The following CXCL8 variants were observed in gnomAD, a reference collection of about 807,000 sequenced individuals.
CXCL8 encodes the protein C-X-C motif chemokine ligand 8.
A neutral mutation model predicts 10.9 loss-of-function variants in CXCL8; 12 were observed. The ratio of observed to expected loss-of-function variants is 1.10; its 90% confidence interval spans 0.71 to 1.79. The LOEUF (loss-of-function observed/expected upper bound fraction) is 1.79, where lower values mean the gene tolerates loss of function less well. Among genes scored for constraint, CXCL8 ranks in the 40% most tolerant of loss-of-function variants. The probability of loss-of-function intolerance (pLI) is 0.00; values close to 1 mark genes in which losing one functional copy is unlikely to be tolerated. For synonymous variants in CXCL8, 41 were observed against 39.6 expected, an observed-to-expected ratio of 1.03 and a Z score of -0.13; for missense variants, 145 against 113.4, an observed-to-expected ratio of 1.28 and a Z score of -1.26.
In CXCL8 at chr4:73,743,364, T is replaced by A. The variant is rs199842999; in HGVS notation, c.*900T>A. On this transcript the variant is annotated 3_prime_UTR_variant, in exon 4 of 4. Transcript: ENST00000307407. ...ATTTTTTAGTATAAGTACATTATTG[T>A]TTATCTGAAATTTTAATTGAACTAA... 4 of 209,424 alleles carry A rather than the reference T, an allele frequency of 1.9e-5. No homozygotes were observed. The highest frequency in any genetic ancestry group is 9.1e-5 in the African/African-American group (4 of 44,194). The allele number at this position is 209,424 out of a possible 1,614,324, so 13.0% of individuals were successfully genotyped here.
At chr4:73,742,308 T>C (rs1729197399) in intron 3 of CXCL8, 141 bp from the exon 4 acceptor site, 1 of 583,726 alleles carries the variant, frequency 1.7e-6, no homozygotes, top group Non-Finnish European at 3.0e-6. Flanking sequence ...TAGATGATAA[T>C]TTCTTTGATC....
intron 1 of CXCL8, 47 bp downstream of exon 1, chr4:73,740,769 G>C (rs768548679): frequency 6.2e-6 from 9 of 1,453,638 alleles, no homozygotes; most frequent in Non-Finnish European, 7.7e-6. Flanking sequence ...GTCTAAATGT[G>C]ATCCTTAGAT....
chr4:73,741,860 T>C (rs1729182953), intron 2 of CXCL8, 89 bp from the exon 3 acceptor site: 2 of 1,128,086 alleles, frequency 1.8e-6, no homozygotes, highest in South Asian at 2.6e-5. Flanking sequence ...AAATGTTATT[T>C]TGGACTTAGA....
At chr4:73,741,060 C>T (rs1330643080) in intron 1 of CXCL8, among the ~76,000 whole-genome samples, 1 of 152,128 alleles carries the variant, frequency 6.6e-6, no homozygotes, top group East Asian at 1.9e-4. Context: ...GTAACTCAGA[C>T]AATTCCACTC....
At position 73,743,034 on chromosome 4, in the gene CXCL8, T is replaced by A. The variant is rs1171036080; in HGVS notation, c.*570T>A. 8.7e-6 allele frequency: 2 copies of A among 230,048 alleles called. No homozygotes were observed. Among genetic ancestry groups the A allele is most frequent in the East Asian group, 1.2e-4 (2 of 16,160 alleles). 14.3% of individuals were successfully genotyped at this position (230,048 alleles called of 1,614,324 possible). The stretch of plus-strand genomic sequence containing the variant: ...TATTAGCCACCATCTTACCTCACAG[T>A]GATGTTGTGAGGACATGTGGAAGCA... On this transcript the variant is annotated 3_prime_UTR_variant, in exon 4 of 4. Coordinates refer to ENST00000307407, the MANE Select transcript of CXCL8 (RefSeq NM_000584.4).
In CXCL8 at chr4:73,740,573, A is replaced by G. The variant is rs1729141929; in HGVS notation, c.-86A>G. Reference sequence around the variant, plus strand: ...CACCGGAGCACTCCATAAGGCACAAACTTTCAGAGACAGCAGAGCACACAA... The same window carrying G: ...CACCGGAGCACTCCATAAGGCACAAGCTTTCAGAGACAGCAGAGCACACAA... On this transcript the variant is annotated 5_prime_UTR_variant, in exon 1 of 4. Transcript: ENST00000307407. The G allele has an allele frequency of 1.6e-6, 2 of 1,250,306 alleles. No homozygotes were observed. The highest frequency in any genetic ancestry group is 2.3e-6 in the Non-Finnish European group (2 of 870,106). 77.5% of individuals were successfully genotyped at this position (1,250,306 alleles called of 1,614,324 possible). A position where few individuals can be genotyped will look rare whatever the true frequency, so the allele number is the denominator to read the frequency against.
rs1397418380 is a variant in CXCL8 at position 73,743,617 on chromosome 4, TG to T, written c.*1154del. On this transcript the variant is annotated 3_prime_UTR_variant, in exon 4 of 4. Coordinates refer to ENST00000307407, the MANE Select transcript of CXCL8 (RefSeq NM_000584.4). ...AGGCTTTATATTTTTAACTTTAAGA[TG>T]TTTTTATGTGCTCTCCAAATTTTTT... 4.9e-6 allele frequency: 1 copy of T among 202,454 alleles called. No individual in the cohort carries two copies. The highest frequency in any genetic ancestry group is 1.0e-5 in the Non-Finnish European group (1 of 98,922). 12.5% of individuals were successfully genotyped at this position (202,454 alleles called of 1,614,324 possible).
rs200157654 is a variant in CXCL8 at position 73,742,552 on chromosome 4, T to A, written c.*88T>A. 2 of 757,494 alleles carry A rather than the reference T, an allele frequency of 2.6e-6. No individual in the cohort carries two copies. The highest frequency in any genetic ancestry group is 4.4e-6 in the Non-Finnish European group (2 of 458,766). The allele number at this position is 757,494 out of a possible 1,614,324, so 46.9% of individuals were successfully genotyped here. ...CTACTTCAACACTTCATGTATTGTGTGGGTCTGTTGTAGGGTTGCCAGATG... is the reference window on the plus strand; with the variant it reads ...CTACTTCAACACTTCATGTATTGTGAGGGTCTGTTGTAGGGTTGCCAGATG... On this transcript the variant is annotated 3_prime_UTR_variant, in exon 4 of 4. Coordinates refer to ENST00000307407, the MANE Select transcript of CXCL8 (RefSeq NM_000584.4).
chr4:73,742,964 G>T lies in CXCL8; in HGVS notation c.*500G>T. The T allele has an allele frequency of 4.3e-6, 1 of 231,340 alleles. No homozygotes were observed. The highest frequency in any genetic ancestry group is 8.6e-6 in the Non-Finnish European group (1 of 116,836). The allele number at this position is 231,340 out of a possible 1,614,324, so 14.3% of individuals were successfully genotyped here. ...TGCTAGCCAGGATCCACAAGTCCTT[G>T]TTCCACTGTGCCTTGGTTTCTCCTT... On this transcript the variant is annotated 3_prime_UTR_variant, in exon 4 of 4. Coordinates refer to ENST00000307407, the MANE Select transcript of CXCL8 (RefSeq NM_000584.4).
In CXCL8 at chr4:73,742,510, TG is replaced by T; in HGVS notation, c.*47del. 1 of 1,317,508 alleles carries T rather than the reference TG, an allele frequency of 7.6e-7. No homozygotes were observed. The highest frequency in any genetic ancestry group is 1.5e-5 in the African/African-American group (1 of 67,438). The allele number at this position is 1,317,508 out of a possible 1,614,324, so 81.6% of individuals were successfully genotyped here. On this transcript the variant is annotated 3_prime_UTR_variant, in exon 4 of 4. Coordinates refer to ENST00000307407, the MANE Select transcript of CXCL8 (RefSeq NM_000584.4). ...ATCCAAGAATCAGTGAAGATGCCAGTGAAACTTCAAGCAAATCTACTTCAAC... is the reference window on the plus strand; with the variant it reads ...ATCCAAGAATCAGTGAAGATGCCAGTAAACTTCAAGCAAATCTACTTCAAC...
At chr4:73,742,080 T>C (rs1216823634) in intron 3 of CXCL8, 48 bp downstream of exon 3, 1 of 1,131,346 alleles carries the variant, frequency 8.8e-7, no homozygotes, top group East Asian at 2.6e-5. Flanking sequence ...TCCTGAGACA[T>C]ATAATCCAAA....
intron 3 of CXCL8, chr4:73,742,243 CT>C (rs1418115063): frequency 1.7e-6 from 1 of 582,762 alleles, no homozygotes; most frequent in African/African-American, 1.9e-5. Context: ...TGGGTTTAAG[CT>C]TGTGTCCTAT....
At position 73,740,587 on chromosome 4, in the gene CXCL8, C is replaced by T; in HGVS notation, c.-72C>T. On this transcript the variant is annotated 5_prime_UTR_variant, in exon 1 of 4. Coordinates refer to ENST00000307407, the MANE Select transcript of CXCL8 (RefSeq NM_000584.4). ...ATAAGGCACAAACTTTCAGAGACAG[C>T]AGAGCACACAAGCTTCTAGGACAAG... 7.3e-7 allele frequency: 1 copy of T among 1,378,320 alleles called. No homozygotes were observed. The highest frequency in any genetic ancestry group is 1.0e-6 in the Non-Finnish European group (1 of 975,730). The allele number at this position is 1,378,320 out of a possible 1,614,324, so 85.4% of individuals were successfully genotyped here.
chr4:73,741,338 C>T (rs2227306), intron 1 of CXCL8, among the ~76,000 whole-genome samples: 47,926 of 152,034 alleles, frequency 0.32, 8,700 homozygotes, highest in Non-Finnish European at 0.42. Flanking sequence ...TATAGGAAGT[C>T]GTTCAATGTT....
In CXCL8 at chr4:73,743,507, A is replaced by T. The variant is rs893918074; in HGVS notation, c.*1043A>T. On this transcript the variant is annotated 3_prime_UTR_variant, in exon 4 of 4. Coordinates refer to ENST00000307407, the MANE Select transcript of CXCL8 (RefSeq NM_000584.4). ...CAGCCAAAACTCCACAGTCAATATT[A>T]GTAATTTCTTGCTGGTTGAAACTTG... 5.0e-6 allele frequency: 1 copy of T among 200,228 alleles called. No individual in the cohort carries two copies. Among genetic ancestry groups the T allele is most frequent in the African/African-American group, 2.3e-5 (1 of 43,656 alleles). The allele number at this position is 200,228 out of a possible 1,614,324, so 12.4% of individuals were successfully genotyped here. A position where few individuals can be genotyped will look rare whatever the true frequency, so the allele number is the denominator to read the frequency against.
At position 73,742,035 on chromosome 4, in the gene CXCL8, A is replaced by G. The variant is rs2149423213; in HGVS notation, c.284+3A>G. ...GTTGTGGAGAAGTTTTTGAAGAGGT[A>G]AGTTATATATTTTTTAATTTAAATT... On this transcript the variant is annotated splice_donor_region_variant and intron_variant, in intron 3 of 3. Transcript: ENST00000307407. 6.5e-7 allele frequency: 1 copy of G among 1,548,938 alleles called. No individual in the cohort carries two copies. The highest frequency in any genetic ancestry group is 8.9e-7 in the Non-Finnish European group (1 of 1,129,256).
intron 2 of CXCL8, 122 bp from the exon 3 acceptor site, chr4:73,741,827 A>G (rs1729182292): frequency 1.9e-6 from 2 of 1,049,454 alleles, no homozygotes; most frequent in Non-Finnish European, 2.9e-6. Context: ...ACATTTAAAT[A>G]TGGTAGCTTC....
In CXCL8 at chr4:73,741,683, T is replaced by A; in HGVS notation, c.200+6T>A. On this transcript the variant is annotated splice_donor_region_variant and intron_variant, in intron 2 of 3. Transcript: ENST00000307407. Reference sequence around the variant, plus strand: ...TGCGCCAACACAGAAATTATGTAAGTACTTTAAAAAAGATTAGATATTTTG... The same window carrying A: ...TGCGCCAACACAGAAATTATGTAAGAACTTTAAAAAAGATTAGATATTTTG... 6.2e-7 allele frequency: 1 copy of A among 1,604,574 alleles called. No homozygotes were observed. Among genetic ancestry groups the A allele is most frequent in the Non-Finnish European group, 8.5e-7 (1 of 1,176,604 alleles).
At position 73,743,565 on chromosome 4, in the gene CXCL8, A is replaced by G. The variant is rs1729238176; in HGVS notation, c.*1101A>G. On this transcript the variant is annotated 3_prime_UTR_variant, in exon 4 of 4. Coordinates refer to ENST00000307407, the MANE Select transcript of CXCL8 (RefSeq NM_000584.4). ...TGTACAAATAGATTCTTATAATATT[A>G]TTTAAATGACTGCATTTTTAAATAC... 1 of 197,456 alleles carries G rather than the reference A, an allele frequency of 5.1e-6. No individual in the cohort carries two copies. The highest frequency in any genetic ancestry group is 1.0e-5 in the Non-Finnish European group (1 of 95,682). The allele number at this position is 197,456 out of a possible 1,614,324, so 12.2% of individuals were successfully genotyped here.
Sources: gnomAD v4.1 joint callset for allele counts (sites outside exome capture counted in the v4.1 genomes callset) on GRCh38, gnomAD v4.1.1 for gene constraint, MANE v1.5 for transcripts, NCBI Gene and HGNC (gene_info 2026-07-23, HGNC 2026-07-21) for gene names.